Variants in ZCWPW2 observed in about 807,000 individuals in gnomAD.
ZCWPW2 encodes the protein zinc finger CW-type PWWP domain protein 2.
In ZCWPW2, 45 loss-of-function variants were observed where a neutral mutation model predicts 46.6. That is an observed-to-expected ratio of 0.96 (90% confidence interval 0.76 to 1.24). The LOEUF is 1.24. ZCWPW2 is among the 50% of genes most tolerant of loss of function. The pLI is 0.00. For missense variants in ZCWPW2, 429 were observed against 403.9 expected (o/e 1.06, Z -0.53); for synonymous variants, 152 against 137.1 (o/e 1.11, Z -0.76).
intron 1 of ZCWPW2, among the ~76,000 whole-genome samples, chr3:28,388,597 A>G (rs1030496025): frequency 1.3e-5 from 2 of 152,210 alleles, no homozygotes; most frequent in Non-Finnish European, 2.9e-5. Context: ...ATATTACAAG[A>G]TAATGGGATA....
At chr3:28,397,215 A>G (rs1695736413) in intron 2 of ZCWPW2, among the ~76,000 whole-genome samples, 2 of 152,210 alleles carry the variant, frequency 1.3e-5, no homozygotes, top group South Asian at 4.1e-4. Context: ...CAAAATAGAT[A>G]TACATTGTAA....
chr3:28,398,820 C>T (rs1241865252), intron 2 of ZCWPW2, among the ~76,000 whole-genome samples: 1 of 152,126 alleles, frequency 6.6e-6, no homozygotes, highest in Non-Finnish European at 1.5e-5. Flanking sequence ...GCCATATCTG[C>T]CTGGCCTCAC....
chr3:28,464,399 T>G (rs1698747317), intron 4 of ZCWPW2, among the ~76,000 whole-genome samples: 1 of 151,888 alleles, frequency 6.6e-6, no homozygotes, highest in African/African-American at 2.4e-5. Context: ...AATATGATAA[T>G]GAGATATAGG....
At chr3:28,397,210 T>C (rs935236925) in intron 2 of ZCWPW2, among the ~76,000 whole-genome samples, 1 of 152,086 alleles carries the variant, frequency 6.6e-6, no homozygotes. Context: ...AGTCACAAAA[T>C]AGATATACAT....
chr3:28,522,537 A>G (rs976811287), intron 9 of ZCWPW2, among the ~76,000 whole-genome samples: 2 of 152,224 alleles, frequency 1.3e-5, no homozygotes, highest in African/African-American at 4.8e-5. Context: ...TTTCATTCAG[A>G]ATGTCAATAA....
At chr3:28,380,996 T>TATTTGGTA (rs1384631890) in intron 1 of ZCWPW2, among the ~76,000 whole-genome samples, 1 of 29,670 alleles carries the variant, frequency 3.4e-5, no homozygotes, top group Non-Finnish European at 5.3e-5. Flanking sequence ...TATATATATA[T>TATTTGGTA]TTGGTATATA....
At chr3:28,494,932 C>T (rs1423044857) in intron 6 of ZCWPW2, among the ~76,000 whole-genome samples, 2 of 149,722 alleles carry the variant, frequency 1.3e-5, no homozygotes, top group Non-Finnish European at 3.0e-5. Context: ...TAAAAGAGGA[C>T]ACAAACAAAT....
intron 6 of ZCWPW2, among the ~76,000 whole-genome samples, chr3:28,504,511 A>C (rs1377056256): frequency 1.3e-5 from 2 of 152,198 alleles, no homozygotes; most frequent in Non-Finnish European, 2.9e-5. Context: ...TAAAACAAAT[A>C]ATGAAACATT....
chr3:28,424,389 C>A lies in ZCWPW2; in HGVS notation c.333-10721C>A, dbSNP rs1048253104. On this transcript the variant is annotated intron_variant, in intron 3 of 9. Transcript: ENST00000383768. ...CAACCCTCAGTGCCTCAGAATGTGA[C>A]CATATTTGCAGATATGATTCTTAAA... Among the ~76,000 whole-genome samples, 93 of 151,986 alleles carry A rather than the reference C, an allele frequency of 6.1e-4. 3 individuals carry two copies. The highest frequency in any genetic ancestry group is 7.4e-5 in the Non-Finnish European group (5 of 68,016).
chr3:28,397,083 C>T (rs1189546563), intron 2 of ZCWPW2, among the ~76,000 whole-genome samples: 6 of 150,502 alleles, frequency 4.0e-5, no homozygotes, highest in Non-Finnish European at 8.9e-5. Context: ...GAGACAAGAT[C>T]ACATCACTGC....
At chr3:28,386,060 G>T (rs947907282) in intron 1 of ZCWPW2, among the ~76,000 whole-genome samples, 2 of 151,258 alleles carry the variant, frequency 1.3e-5, no homozygotes, top group Admixed American at 1.3e-4. Flanking sequence ...TGCTTTTGTT[G>T]ATTGTTATAA....
At chr3:28,396,848 G>T (rs1447012655) in intron 2 of ZCWPW2, among the ~76,000 whole-genome samples, 31 of 152,102 alleles carry the variant, frequency 2.0e-4, no homozygotes, top group Admixed American at 2.0e-3. Context: ...CTAGTATTGG[G>T]CTGGGTGCAG....
intron 3 of ZCWPW2, among the ~76,000 whole-genome samples, chr3:28,421,286 C>G (rs925517937): frequency 6.6e-6 from 1 of 151,996 alleles, no homozygotes; most frequent in South Asian, 2.1e-4. Context: ...TCACTGACAC[C>G]ATAGTGGGAG....
At chr3:28,520,507 TA>T (rs1700694855) in intron 8 of ZCWPW2, among the ~76,000 whole-genome samples, 1 of 152,148 alleles carries the variant, frequency 6.6e-6, no homozygotes, top group African/African-American at 2.4e-5. Context: ...TTTTTGTAAA[TA>T]AAGTTTTATT....
chr3:28,417,634 G>A (rs568462506), intron 3 of ZCWPW2, among the ~76,000 whole-genome samples: 2,339 of 138,106 alleles, frequency 0.017, 24 homozygotes, highest in Middle Eastern at 0.035. Context: ...CTGGCAAACC[G>A]AATCCAGCAG....
intron 3 of ZCWPW2, among the ~76,000 whole-genome samples, chr3:28,417,547 A>G (rs371616721): frequency 8.6e-5 from 13 of 151,716 alleles, no homozygotes; most frequent in South Asian, 4.2e-4. Context: ...CCAAAGCCTG[A>G]CAGAGACACA....
chr3:28,413,178 A>G lies in ZCWPW2; in HGVS notation c.110A>G (p.Asn37Ser). 1 of 1,613,386 alleles carries G rather than the reference A, an allele frequency of 6.2e-7. No homozygotes were observed. The highest frequency in any genetic ancestry group is 8.5e-7 in the Non-Finnish European group (1 of 1,179,552). The part of the protein sequence containing the change: ...NKVWVQCENE[N>S]CLKWRLLSSE... ...GTGTGGGTTCAATGTGAGAATGAAAATTGTTTGAAATGGAGATTGTTATCA... is the reference window on the plus strand; with the variant it reads ...GTGTGGGTTCAATGTGAGAATGAAAGTTGTTTGAAATGGAGATTGTTATCA... The change falls in exon 3 of 10, where the codon AAT (asparagine) becomes AGT (serine). Residue 37 changes from asparagine (N) to serine (S), a missense_variant. Coordinates refer to ENST00000383768, the MANE Select transcript of ZCWPW2 (RefSeq NM_001040432.4).
At chr3:28,396,548 G>A (rs746541881) in intron 2 of ZCWPW2, among the ~76,000 whole-genome samples, 2 of 152,092 alleles carry the variant, frequency 1.3e-5, no homozygotes, top group South Asian at 2.1e-4. Context: ...TGAAAACGAT[G>A]AAAATTAAAA....
At chr3:28,385,047 TTTA>T (rs1322067444) in intron 1 of ZCWPW2, among the ~76,000 whole-genome samples, 1 of 152,264 alleles carries the variant, frequency 6.6e-6, no homozygotes, top group Non-Finnish European at 1.5e-5. Context: ...AACTTTATTT[TTTA>T]TTGTAAGAAT....
Sources: allele counts gnomAD v4.1 joint callset (sites outside exome capture counted in the v4.1 genomes callset), GRCh38; gene constraint gnomAD v4.1.1; transcripts MANE v1.5; gene names NCBI Gene and HGNC (gene_info 2026-07-23, HGNC 2026-07-21).